Variants in SIPA1L2 observed in about 807,000 individuals in gnomAD.
SIPA1L2 encodes the protein signal induced proliferation associated 1 like 2, also known as signal-induced proliferation-associated 1-like protein 2.
SIPA1L2 carries 56 observed loss-of-function variants against 163.9 expected under a neutral mutation model. The observed-to-expected ratio is 0.34, with a 90% CI of 0.28 to 0.43. SIPA1L2 has a LOEUF of 0.43. Among genes scored for constraint, SIPA1L2 ranks in the 20% least tolerant of loss-of-function variants. SIPA1L2 has a pLI of 1.00. For missense variants in SIPA1L2, 1,974 were observed against 2,193.5 expected (o/e 0.90, Z 2.00); for synonymous variants, 877 against 865.7 (o/e 1.01, Z -0.23).
intron 3 of SIPA1L2, among the ~76,000 whole-genome samples, chr1:232,511,856 A>G (rs1431311171): frequency 6.6e-6 from 1 of 152,250 alleles, no homozygotes; most frequent in Non-Finnish European, 1.5e-5. Flanking sequence ...CAATGACAAC[A>G]GAAGCCAAAA....
rs1317157760 is a variant in SIPA1L2 at position 232,562,016 on chromosome 1, G to A, written c.-270+12158C>T. ...CCAGCTGCTCTGAGAGGCCCTGAGC[G>A]AGTAAATACGGCTTCAAATATGGAT... is the stretch of plus-strand genomic sequence containing the variant. On this transcript the variant is annotated intron_variant, in intron 2 of 22. Transcript: ENST00000674635. Among the ~76,000 whole-genome samples the A allele has an allele frequency of 3.3e-5, 5 of 152,192 alleles. No individual in the cohort carries two copies. The East Asian group carries it at 9.6e-4, about 29-fold the overall frequency.
At chr1:232,434,118 C>T (rs1359750005) in intron 15 of SIPA1L2, among the ~76,000 whole-genome samples, 4 of 152,194 alleles carry the variant, frequency 2.6e-5, no homozygotes, top group African/African-American at 7.2e-5. Flanking sequence ...AGGGTTCCCG[C>T]GGTAGCAAGC....
intron 15 of SIPA1L2, among the ~76,000 whole-genome samples, chr1:232,436,546 C>T (rs764611709): frequency 3.9e-5 from 6 of 152,150 alleles, no homozygotes; most frequent in Non-Finnish European, 5.9e-5. Context: ...CAGTAGGCCT[C>T]GGCTTGAGGG....
intron 2 of SIPA1L2, among the ~76,000 whole-genome samples, chr1:232,568,838 G>A (rs770221042): frequency 1.2e-4 from 18 of 152,082 alleles, no homozygotes; most frequent in Non-Finnish European, 2.1e-4. Flanking sequence ...CATGCCAGGC[G>A]CCCTGGAGGA....
intron 1 of SIPA1L2, among the ~76,000 whole-genome samples, chr1:232,601,409 T>C (rs2102854883): frequency 6.6e-6 from 1 of 152,226 alleles, no homozygotes; most frequent in East Asian, 1.9e-4. Flanking sequence ...ACAGCTCCAC[T>C]CTCCCTGAAA....
At chr1:232,612,494 T>A (rs753464997) in intron 1 of SIPA1L2, among the ~76,000 whole-genome samples, 1 of 152,196 alleles carries the variant, frequency 6.6e-6, no homozygotes, top group Non-Finnish European at 1.5e-5. Flanking sequence ...GGAACCCACC[T>A]CTTGCATCAG....
In SIPA1L2 at chr1:232,548,167, T is replaced by C. The variant is rs748321317; in HGVS notation, c.-270+26007A>G. 5.5e-4 allele frequency among the ~76,000 whole-genome samples: 84 copies of C among 152,362 alleles called. 1 individual carries two copies. The highest frequency in any genetic ancestry group is 8.2e-4 in the Non-Finnish European group (56 of 68,040). ...AAAAGAAAAATAAACACTAGTATGA[T>C]GACTACAGTAATCATGAACATGCTG... is the stretch of plus-strand genomic sequence containing the variant. On this transcript the variant is annotated intron_variant, in intron 2 of 22. Coordinates refer to ENST00000674635, the MANE Select transcript of SIPA1L2 (RefSeq NM_020808.5).
chr1:232,455,117 T>C (rs1663817341), intron 10 of SIPA1L2, among the ~76,000 whole-genome samples: 1 of 152,206 alleles, frequency 6.6e-6, no homozygotes, highest in Admixed American at 6.5e-5. Context: ...ATCTGAATGT[T>C]ATATTGGAGA....
chr1:232,618,894 G>A (rs951175744), intron 1 of SIPA1L2, among the ~76,000 whole-genome samples: 3 of 152,002 alleles, frequency 2.0e-5, no homozygotes, highest in Admixed American at 1.3e-4. Context: ...TTAGTTTTAT[G>A]ACACAGTCTA....
intron 2 of SIPA1L2, among the ~76,000 whole-genome samples, chr1:232,551,633 G>T (rs1269335251): frequency 6.6e-6 from 1 of 152,188 alleles, no homozygotes; most frequent in Non-Finnish European, 1.5e-5. Flanking sequence ...TCCAGCCTCC[G>T]CAGACAGAGC....
At chr1:232,583,372 A>G (rs1303727977) in intron 1 of SIPA1L2, among the ~76,000 whole-genome samples, 1 of 152,202 alleles carries the variant, frequency 6.6e-6, no homozygotes, top group Admixed American at 6.5e-5. Context: ...TGCTTTTACC[A>G]TCTGCTTGTA....
At position 232,399,404 on chromosome 1, in the gene SIPA1L2, T is replaced by G; in HGVS notation, c.5023-131A>C. On this transcript the variant is annotated intron_variant, in intron 22 of 22. Transcript: ENST00000674635. ...TTTGAGGGGAGAAGGGGTGACTTTC[T>G]TTAGTGAGGGGACTTTTCTGATCCT... 3.1e-6 allele frequency: 3 copies of G among 959,376 alleles called. No individual in the cohort carries two copies. The South Asian group carries it at 5.2e-5, about 17-fold the overall frequency. The allele number at this position is 959,376 out of a possible 1,614,324, so 59.4% of individuals were successfully genotyped here. A position where few individuals can be genotyped will look rare whatever the true frequency, so the allele number is the denominator to read the frequency against.
intron 3 of SIPA1L2, among the ~76,000 whole-genome samples, chr1:232,499,954 C>A (rs1371571558): frequency 6.6e-6 from 1 of 152,104 alleles, no homozygotes; most frequent in African/African-American, 2.4e-5. Flanking sequence ...TAGATGACAG[C>A]ACATCTGTTT....
intron 3 of SIPA1L2, among the ~76,000 whole-genome samples, chr1:232,500,340 C>T (rs1003762196): frequency 1.3e-5 from 2 of 152,198 alleles, no homozygotes; most frequent in African/African-American, 4.8e-5. Flanking sequence ...TTTTGTAAGG[C>T]TATAGCCGCC....
At chr1:232,504,784 G>C (rs748710119) in intron 3 of SIPA1L2, among the ~76,000 whole-genome samples, 8 of 152,116 alleles carry the variant, frequency 5.3e-5, no homozygotes, top group Non-Finnish European at 1.5e-5. Context: ...AGTTCATCCT[G>C]TCTACTTATG....
intron 18 of SIPA1L2, among the ~76,000 whole-genome samples, chr1:232,418,434 A>G (rs1036546359): frequency 2.6e-5 from 4 of 152,244 alleles, no homozygotes; most frequent in South Asian, 2.1e-4. Context: ...AAGCACCTCT[A>G]AAGTTCCTGA....
chr1:232,611,014 G>C (rs1471710469), intron 1 of SIPA1L2, among the ~76,000 whole-genome samples: 2 of 152,146 alleles, frequency 1.3e-5, no homozygotes, highest in African/African-American at 4.8e-5. Flanking sequence ...AGGTGTTGTG[G>C]GAGGGACCCA....
chr1:232,400,490 T>C (rs1176739129), intron 22 of SIPA1L2, among the ~76,000 whole-genome samples: 1 of 152,128 alleles, frequency 6.6e-6, no homozygotes, highest in Non-Finnish European at 1.5e-5. Context: ...CAGCTCACTA[T>C]GGGGGTCGGG....
At chr1:232,539,974 G>A (rs569105009) in intron 2 of SIPA1L2, among the ~76,000 whole-genome samples, 45 of 152,290 alleles carry the variant, frequency 3.0e-4, no homozygotes, top group African/African-American at 9.9e-4. Context: ...TGCCTGTATA[G>A]CGTGTAAAAT....
Sources: allele counts gnomAD v4.1 joint callset (sites outside exome capture counted in the v4.1 genomes callset), GRCh38; gene constraint gnomAD v4.1.1; transcripts MANE v1.5; gene names NCBI Gene and HGNC (gene_info 2026-07-23, HGNC 2026-07-21).